Variants in ADCY9 observed in about 807,000 individuals in gnomAD.
ADCY9 encodes adenylate cyclase type 9.
A neutral mutation model predicts 101.5 loss-of-function variants in ADCY9; 50 were observed. That is an observed-to-expected ratio of 0.49 (90% CI 0.39 to 0.62). The LOEUF (loss-of-function observed/expected upper bound fraction) is 0.62. Among genes scored for constraint, ADCY9 ranks in the 20% least tolerant of loss-of-function variants. The pLI, the probability that ADCY9 is intolerant of heterozygous loss-of-function variation, is 0.00. For missense variants in ADCY9, 1,662 were observed against 1,800.4 expected (o/e 0.92, Z 1.39); for synonymous variants, 905 against 769.3 (o/e 1.18, Z -2.92).
At chr16:4,025,090 T>C (rs2141745676) in intron 2 of ADCY9, among the ~76,000 whole-genome samples, 1 of 151,950 alleles carries the variant, frequency 6.6e-6, no homozygotes, top group South Asian at 2.1e-4. Flanking sequence ...GGGCTGGGTG[T>C]GATGGCTAAA....
chr16:3,980,081 G>A (rs766625320), intron 7 of ADCY9, among the ~76,000 whole-genome samples: 14 of 152,246 alleles, frequency 9.2e-5, no homozygotes, highest in Non-Finnish European at 1.6e-4. Flanking sequence ...CATCTGGGCT[G>A]TCATGTTCAT....
At chr16:4,077,580 AG>A (rs1428151228) in intron 2 of ADCY9, among the ~76,000 whole-genome samples, 1 of 152,182 alleles carries the variant, frequency 6.6e-6, no homozygotes, top group East Asian at 1.9e-4. Flanking sequence ...AGCAGAGAAT[AG>A]GCATATTTTT....
chr16:4,062,533 A>G (rs1310630663), intron 2 of ADCY9, among the ~76,000 whole-genome samples: 2 of 152,212 alleles, frequency 1.3e-5, no homozygotes, highest in Non-Finnish European at 2.9e-5. Flanking sequence ...ACAAAACCAT[A>G]AGAAAGTTGC....
intron 2 of ADCY9, among the ~76,000 whole-genome samples, chr16:4,057,068 C>G (rs1400774520): frequency 7.6e-6 from 1 of 132,306 alleles, no homozygotes; most frequent in Non-Finnish European, 1.6e-5. Flanking sequence ...TCTTACTCTT[C>G]TGTTATTTCA....
At chr16:4,074,165 T>C (rs2056851900) in intron 2 of ADCY9, among the ~76,000 whole-genome samples, 1 of 152,056 alleles carries the variant, frequency 6.6e-6, no homozygotes, top group East Asian at 1.9e-4. Flanking sequence ...TTATAATATA[T>C]ATAAAATACA....
intron 5 of ADCY9, among the ~76,000 whole-genome samples, chr16:3,955,694 G>C (rs780782003): frequency 6.6e-6 from 1 of 151,834 alleles, no homozygotes; most frequent in Non-Finnish European, 1.5e-5. Flanking sequence ...GATTATAGGC[G>C]CATGCCACCA....
intron 3 of ADCY9, among the ~76,000 whole-genome samples, chr16:4,000,360 C>A (rs1005849604): frequency 1.3e-5 from 2 of 152,082 alleles, no homozygotes; most frequent in African/African-American, 4.8e-5. Context: ...GAGCTCCTGG[C>A]CCCAACGATC....
intron 6 of ADCY9, among the ~76,000 whole-genome samples, chr16:3,984,788 C>T (rs1022317147): frequency 6.6e-6 from 1 of 152,246 alleles, no homozygotes; most frequent in African/African-American, 2.4e-5. Flanking sequence ...GCATCCCGGC[C>T]AGGCTCGGGG....
At chr16:4,083,044 G>A (rs905130147) in intron 2 of ADCY9, among the ~76,000 whole-genome samples, 2 of 152,200 alleles carry the variant, frequency 1.3e-5, no homozygotes, top group Admixed American at 6.5e-5. Flanking sequence ...GGCAAAGACA[G>A]CAGAGAGCAA....
chr16:4,025,165 C>G (rs1041765367), intron 2 of ADCY9, among the ~76,000 whole-genome samples: 2 of 152,046 alleles, frequency 1.3e-5, no homozygotes, highest in Admixed American at 6.6e-5. Flanking sequence ...GAGTTTGAGA[C>G]CAGCCTGGCT....
chr16:4,008,715 A>C (rs1419747525), intron 2 of ADCY9, among the ~76,000 whole-genome samples: 1 of 152,106 alleles, frequency 6.6e-6, no homozygotes, highest in African/African-American at 2.4e-5. Context: ...GGTGTCCACC[A>C]CCACGCCTGG....
chr16:3,999,578 C>A (rs1013407925), intron 3 of ADCY9, among the ~76,000 whole-genome samples: 6 of 152,320 alleles, frequency 3.9e-5, no homozygotes, highest in Admixed American at 3.9e-4. Context: ...TTCCAAGCAG[C>A]ACCCTGGGCC....
intron 6 of ADCY9, 49 bp downstream of exon 6, chr16:3,988,945 G>T: frequency 7.0e-7 from 1 of 1,420,866 alleles, no homozygotes; most frequent in Non-Finnish European, 9.9e-7. Context: ...GACCATGTGA[G>T]AACAACAAAC....
chr16:4,058,179 T>C (rs769168439), intron 2 of ADCY9, among the ~76,000 whole-genome samples: 15 of 136,166 alleles, frequency 1.1e-4, no homozygotes, highest in Admixed American at 4.6e-4. Context: ...AAAAGAGAGT[T>C]GAGGCTGGGC....
intron 2 of ADCY9, among the ~76,000 whole-genome samples, chr16:4,023,501 C>T (rs117247617): frequency 1.3e-5 from 2 of 152,238 alleles, no homozygotes; most frequent in East Asian, 1.9e-4. Flanking sequence ...ATGGAAAGGA[C>T]GGTCCCAGCA....
At chr16:4,094,880 A>C (rs1463823825) in intron 2 of ADCY9, among the ~76,000 whole-genome samples, 1 of 152,216 alleles carries the variant, frequency 6.6e-6, no homozygotes, top group Non-Finnish European at 1.5e-5. Flanking sequence ...ACAGGGAACC[A>C]AATGATCCAC....
chr16:3,986,953 TGGCATG>T (rs1176357928), intron 6 of ADCY9, among the ~76,000 whole-genome samples: 1 of 152,228 alleles, frequency 6.6e-6, no homozygotes, highest in Non-Finnish European at 1.5e-5. Context: ...ATAAAGTCCA[TGGCATG>T]GGAGCCGTGA....
intron 2 of ADCY9, among the ~76,000 whole-genome samples, chr16:4,028,932 C>G (rs984167854): frequency 1.3e-5 from 2 of 151,994 alleles, no homozygotes; most frequent in African/African-American, 4.8e-5. Context: ...CTACAGGCAC[C>G]TGCCACTGCA....
chr16:3,958,815 C>A (rs915391634), downstream of ADCY9, among the ~76,000 whole-genome samples: 1 of 151,432 alleles, frequency 6.6e-6, no homozygotes, highest in Non-Finnish European at 1.5e-5. Flanking sequence ...AGACCACAGG[C>A]ACCCACCACT....
Sources: gnomAD v4.1 joint callset for allele counts (sites outside exome capture counted in the v4.1 genomes callset) on GRCh38, gnomAD v4.1.1 for gene constraint, MANE v1.5 for transcripts, NCBI Gene and HGNC (gene_info 2026-07-23, HGNC 2026-07-21) for gene names.